Variants in PDE2A observed in about 807,000 individuals in gnomAD.
PDE2A encodes the protein cGMP-dependent 3',5'-cyclic phosphodiesterase.
Under a neutral mutation model 133.6 loss-of-function variants are expected in PDE2A, and 53 were observed. The observed-to-expected ratio is 0.40, with a 90% CI of 0.32 to 0.50. PDE2A has a LOEUF of 0.50. Ranked by LOEUF, PDE2A falls within the 20% of genes least tolerant of loss-of-function variation. The pLI is 0.73. For missense variants in PDE2A, 796 were observed against 1,232.4 expected (o/e 0.65, Z 5.30); for synonymous variants, 491 against 490.2 (o/e 1.00, Z -0.02).
chr11:72,624,322 T>C (rs1409637422), intron 2 of PDE2A, among the ~76,000 whole-genome samples: 6 of 152,150 alleles, frequency 3.9e-5, no homozygotes, highest in Non-Finnish European at 8.8e-5. Context: ...CGGTGTTACT[T>C]TCCCGCCTGA....
At chr11:72,634,692 G>A (rs1858593699) in intron 2 of PDE2A, among the ~76,000 whole-genome samples, 1 of 152,242 alleles carries the variant, frequency 6.6e-6, no homozygotes, top group South Asian at 2.1e-4. Context: ...TGGACAATTG[G>A]GCTGGCCTTC....
At chr11:72,595,514 C>T (rs552836338) in intron 6 of PDE2A, among the ~76,000 whole-genome samples, 1 of 152,182 alleles carries the variant, frequency 6.6e-6, no homozygotes, top group South Asian at 2.1e-4. Flanking sequence ...AGTACCCCTC[C>T]TCCCCTCCCC....
intron 1 of PDE2A, among the ~76,000 whole-genome samples, chr11:72,667,718 A>C (rs1001231948): frequency 3.3e-5 from 5 of 152,102 alleles, no homozygotes; most frequent in African/African-American, 1.2e-4. Context: ...TAGGAGAGAA[A>C]GAGGAAGATG....
chr11:72,594,271 G>A (rs1370758434), intron 6 of PDE2A, among the ~76,000 whole-genome samples: 1 of 152,246 alleles, frequency 6.6e-6, no homozygotes, highest in Non-Finnish European at 1.5e-5. Context: ...CCAGGAAGGA[G>A]CTGGTGACTC....
chr11:72,630,824 C>A (rs1858338621), intron 2 of PDE2A, among the ~76,000 whole-genome samples: 1 of 151,694 alleles, frequency 6.6e-6, no homozygotes, highest in Admixed American at 6.6e-5. Context: ...GTGGGGAGGA[C>A]AAGGGAGGAG....
chr11:72,665,231 C>A (rs1197343118), intron 1 of PDE2A, among the ~76,000 whole-genome samples: 1 of 152,102 alleles, frequency 6.6e-6, no homozygotes, highest in Non-Finnish European at 1.5e-5. Context: ...CTCTCCTCTG[C>A]CCCAACCAGA....
intron 18 of PDE2A, 64 bp from the exon 19 acceptor site, chr11:72,584,377 C>A: frequency 7.8e-7 from 1 of 1,280,630 alleles, no homozygotes; most frequent in Non-Finnish European, 1.1e-6. Context: ...GGGAGGGATC[C>A]GGCCGGGACC....
intron 4 of PDE2A, among the ~76,000 whole-genome samples, chr11:72,599,951 G>C (rs536074337): frequency 5.3e-5 from 8 of 152,346 alleles, no homozygotes; most frequent in African/African-American, 1.7e-4. Context: ...CCTGTAGAGG[G>C]AGACATCTGA....
At chr11:72,666,403 A>G (rs1855234734) in intron 1 of PDE2A, among the ~76,000 whole-genome samples, 1 of 152,040 alleles carries the variant, frequency 6.6e-6, no homozygotes, top group South Asian at 2.1e-4. Flanking sequence ...CCTGGGGAGA[A>G]TGGAACCTAG....
Position 72,636,142 on chromosome 11 carries a change from AGAG to A in PDE2A, c.144+6109_144+6111del, listed in dbSNP as rs1858685444. 3 of 1,176,382 alleles carry A rather than the reference AGAG, an allele frequency of 2.6e-6. No homozygotes were observed. The South Asian group carries it at 4.7e-5, about 18-fold the overall frequency. The allele number at this position is 1,176,382 out of a possible 1,614,324, so 72.9% of individuals were successfully genotyped here. On this transcript the variant is annotated intron_variant, in intron 2 of 30. Transcript: ENST00000334456. Reference sequence around the variant, plus strand: ...CCACCAGCCAGAGTACAGGCTCTGCAGAGGAGGGGCCCTGCCGGCTACTCTCAA... The same window carrying A: ...CCACCAGCCAGAGTACAGGCTCTGCAGAGGGGCCCTGCCGGCTACTCTCAA...
At chr11:72,612,654 G>T (rs2135373078) in intron 2 of PDE2A, among the ~76,000 whole-genome samples, 1 of 151,718 alleles carries the variant, frequency 6.6e-6, no homozygotes, top group South Asian at 2.1e-4. Flanking sequence ...ATGAATGGGT[G>T]CAGGATGGGT....
chr11:72,663,070 C>A (rs893957388), intron 1 of PDE2A, among the ~76,000 whole-genome samples: 1 of 152,214 alleles, frequency 6.6e-6, no homozygotes, highest in Non-Finnish European at 1.5e-5. Flanking sequence ...GGCTAAGACC[C>A]AGCATCGCCT....
intron 24 of PDE2A, 43 bp from the exon 25 acceptor site, chr11:72,580,667 A>T: frequency 6.8e-7 from 1 of 1,468,532 alleles, no homozygotes; most frequent in Admixed American, 2.0e-5. Flanking sequence ...TCACATCCGG[A>T]TCCAAGTGCC....
chr11:72,598,394 G>A, intron 4 of PDE2A: 1 of 651,848 alleles, frequency 1.5e-6, no homozygotes, highest in Non-Finnish European at 2.4e-6. Flanking sequence ...GCAGAGGGGT[G>A]GTGGGAACCA....
At chr11:72,642,419 C>G (rs1377058691) in intron 1 of PDE2A, 93 bp from the exon 2 acceptor site, 30 of 1,248,308 alleles carry the variant, frequency 2.4e-5, no homozygotes, top group Admixed American at 8.4e-5. Context: ...CCGCTGCGCT[C>G]GGTCAGCGCG....
At chr11:72,642,197 G>T in intron 2 of PDE2A, 57 bp downstream of exon 2, 1 of 1,389,706 alleles carries the variant, frequency 7.2e-7, no homozygotes, top group South Asian at 1.7e-5. Context: ...GGCAGACCCG[G>T]CCCGGCGCTC....
Position 72,642,705 on chromosome 11 carries a change from G to T in PDE2A, c.72-379C>A, listed in dbSNP as rs372056018. Among the ~76,000 whole-genome samples, 6 of 151,918 alleles carry T rather than the reference G, an allele frequency of 3.9e-5. No homozygotes were observed. The South Asian group carries it at 1.2e-3, about 32-fold the overall frequency. On this transcript the variant is annotated intron_variant, in intron 1 of 30. Coordinates refer to ENST00000334456, the MANE Select transcript of PDE2A (RefSeq NM_002599.5). ...CGCCACTTCTCTCGCATCTCGCAGGGGCCGCTCTCAGAGCCTCCACCCTGT... is the reference window on the plus strand; with the variant it reads ...CGCCACTTCTCTCGCATCTCGCAGGTGCCGCTCTCAGAGCCTCCACCCTGT...
chr11:72,589,571 A>G (rs1856138361), intron 11 of PDE2A, among the ~76,000 whole-genome samples, 180 bp downstream of exon 11: 1 of 152,226 alleles, frequency 6.6e-6, no homozygotes, highest in South Asian at 2.1e-4. Context: ...TCTTCCTAAT[A>G]GAGCCTGCTG....
At chr11:72,638,662 A>G (rs893346432) in intron 2 of PDE2A, among the ~76,000 whole-genome samples, 1 of 146,306 alleles carries the variant, frequency 6.8e-6, no homozygotes, top group African/African-American at 2.5e-5. Flanking sequence ...TTCCATAAAG[A>G]CTTTTGGACA....
Sources: allele counts gnomAD v4.1 joint callset (sites outside exome capture counted in the v4.1 genomes callset), GRCh38; gene constraint gnomAD v4.1.1; transcripts MANE v1.5; gene names NCBI Gene and HGNC (gene_info 2026-07-23, HGNC 2026-07-21).